Variants in ZEB1 observed in about 807,000 individuals in gnomAD.
ZEB1 encodes zinc finger E-box-binding homeobox 1.
Under a neutral mutation model 84.9 loss-of-function variants are expected in ZEB1, and 21 were observed. That is an observed-to-expected ratio of 0.25 (90% confidence interval 0.18 to 0.36). The LOEUF (loss-of-function observed/expected upper bound fraction) is 0.36, where lower values mean the gene tolerates loss of function less well. Among genes scored for constraint, ZEB1 ranks in the 10% least tolerant of loss-of-function variants. ZEB1 has a pLI of 1.00. For synonymous variants in ZEB1, 420 were observed against 471.1 expected, an observed-to-expected ratio of 0.89 and a Z score of 1.41; for missense variants, 1,104 against 1,330.2, an observed-to-expected ratio of 0.83 and a Z score of 2.65.
chr10:31,365,763 G>GATTGAATATAGCAA (rs2044345929), intron 1 of ZEB1, among the ~76,000 whole-genome samples: 1 of 152,206 alleles, frequency 6.6e-6, no homozygotes, highest in African/African-American at 2.4e-5. Flanking sequence ...AAGTAGGGGT[G>GATTGAATATAGCAA]AGATTGAATA....
chr10:31,472,453 T>C (rs1430472581), intron 2 of ZEB1, among the ~76,000 whole-genome samples: 1 of 151,748 alleles, frequency 6.6e-6, no homozygotes, highest in Admixed American at 6.6e-5. Context: ...AAGTAGAAAA[T>C]CTAGAAGAAA....
intron 1 of ZEB1, among the ~76,000 whole-genome samples, chr10:31,356,380 A>G (rs896144992): frequency 1.4e-4 from 21 of 151,510 alleles, no homozygotes; most frequent in Admixed American, 3.3e-4. Flanking sequence ...AGTGCAGGTC[A>G]TCTTGTTTAC....
intron 1 of ZEB1, among the ~76,000 whole-genome samples, chr10:31,411,883 G>T (rs1017544709): frequency 2.6e-5 from 4 of 152,072 alleles, no homozygotes; most frequent in African/African-American, 7.2e-5. Context: ...TGGAATAACT[G>T]GGGTTGGGGA....
intron 1 of ZEB1, among the ~76,000 whole-genome samples, chr10:31,391,810 T>A (rs1282870943): frequency 6.6e-6 from 1 of 152,210 alleles, no homozygotes; most frequent in Non-Finnish European, 1.5e-5. Flanking sequence ...AGAGATTCTG[T>A]TGAATCCCCT....
At chr10:31,478,447 T>C (rs1253055887) in intron 2 of ZEB1, among the ~76,000 whole-genome samples, 1 of 151,940 alleles carries the variant, frequency 6.6e-6, no homozygotes, top group Non-Finnish European at 1.5e-5. Flanking sequence ...AGTTTGGAGA[T>C]TCCTGAAAAA....
chr10:31,467,406 T>C (rs549933453), intron 2 of ZEB1, among the ~76,000 whole-genome samples: 1 of 152,074 alleles, frequency 6.6e-6, no homozygotes, highest in African/African-American at 2.4e-5. Context: ...GGCCCATGCA[T>C]GTTCACATGA....
chr10:31,369,744 A>G (rs912764326), intron 1 of ZEB1, among the ~76,000 whole-genome samples: 1 of 152,198 alleles, frequency 6.6e-6, no homozygotes, highest in African/African-American at 2.4e-5. Context: ...ATCATACAGT[A>G]GTTCTATTTT....
intron 1 of ZEB1, among the ~76,000 whole-genome samples, chr10:31,429,922 G>T (rs929485667): frequency 6.6e-6 from 1 of 151,704 alleles, no homozygotes; most frequent in Non-Finnish European, 1.5e-5. Flanking sequence ...TGTATTTCTA[G>T]CAGAGACAGG....
intron 4 of ZEB1, among the ~76,000 whole-genome samples, chr10:31,504,714 T>A (rs1338393481): frequency 2.0e-5 from 3 of 152,052 alleles, no homozygotes; most frequent in Non-Finnish European, 4.4e-5. Flanking sequence ...TTTTTGTAGC[T>A]ACTATAAATG....
intron 1 of ZEB1, among the ~76,000 whole-genome samples, chr10:31,325,849 A>G (rs1299357826): frequency 6.6e-6 from 1 of 151,780 alleles, no homozygotes; most frequent in Non-Finnish European, 1.5e-5. Context: ...ATATGACACC[A>G]TTATTTATAT....
intron 7 of ZEB1, among the ~76,000 whole-genome samples, chr10:31,522,820 G>T (rs1479647054): frequency 1.3e-5 from 2 of 152,106 alleles, no homozygotes; most frequent in Non-Finnish European, 2.9e-5. Context: ...TGTATTTGCT[G>T]CTTTTGTTTT....
chr10:31,361,928 G>A (rs1209782235), intron 1 of ZEB1, among the ~76,000 whole-genome samples: 41 of 147,370 alleles, frequency 2.8e-4, no homozygotes, highest in African/African-American at 9.4e-4. Context: ...TGAGGAGGCC[G>A]GGCAGAGGCA....
intron 1 of ZEB1, among the ~76,000 whole-genome samples, chr10:31,322,763 T>A (rs542549628): frequency 2.1e-3 from 311 of 148,330 alleles, no homozygotes; most frequent in African/African-American, 6.3e-3. Flanking sequence ...TTTTTTTTTT[T>A]GAGAGAGAGA....
chr10:31,362,510 A>G (rs1230628229), intron 1 of ZEB1, among the ~76,000 whole-genome samples: 3 of 146,006 alleles, frequency 2.1e-5, no homozygotes, highest in Non-Finnish European at 3.0e-5. Flanking sequence ...GGCACTCCTC[A>G]CTGCCCAGAC....
chr10:31,363,306 G>T lies in ZEB1; in HGVS notation c.58+44014G>T, dbSNP rs755085740. ...GGTCAGGCTTCCCAAAGGGAAGGATGCCTCCAGCAGGGCTGTGTGAACTGG... is the reference window on the plus strand; with the variant it reads ...GGTCAGGCTTCCCAAAGGGAAGGATTCCTCCAGCAGGGCTGTGTGAACTGG... On this transcript the variant is annotated intron_variant, in intron 1 of 8. Transcript: ENST00000424869. 1.1e-5 allele frequency: 17 copies of T among 1,532,646 alleles called. 2 individuals carry two copies. The South Asian group carries it at 2.0e-4, about 18-fold the overall frequency. The allele number at this position is 1,532,646 out of a possible 1,614,324, so 94.9% of individuals were successfully genotyped here.
chr10:31,484,889 A>C (rs998248769), intron 2 of ZEB1, among the ~76,000 whole-genome samples: 4 of 151,972 alleles, frequency 2.6e-5, no homozygotes, highest in African/African-American at 9.7e-5. Flanking sequence ...TAATTAGGTT[A>C]TCATGTAATC....
intron 2 of ZEB1, among the ~76,000 whole-genome samples, chr10:31,467,639 A>G (rs2062609785): frequency 6.6e-6 from 1 of 152,104 alleles, no homozygotes; most frequent in East Asian, 1.9e-4. Flanking sequence ...CAGAGGACAA[A>G]TCCACTGGCC....
At chr10:31,462,302 G>A (rs776086757) in intron 2 of ZEB1, among the ~76,000 whole-genome samples, 2 of 152,200 alleles carry the variant, frequency 1.3e-5, no homozygotes, top group Non-Finnish European at 2.9e-5. Context: ...TCATTTTATA[G>A]TGTTGTTCAT....
chr10:31,434,496 G>A lies in ZEB1; in HGVS notation c.59-26541G>A, dbSNP rs181624670. Reference sequence around the variant, plus strand: ...TAAATAAACATATATTTCACAGCAGGATAACCCTTTATTGACACATTATCA... The same window carrying A: ...TAAATAAACATATATTTCACAGCAGAATAACCCTTTATTGACACATTATCA... On this transcript the variant is annotated intron_variant, in intron 1 of 8. Transcript: ENST00000424869. Among the ~76,000 whole-genome samples the A allele has an allele frequency of 1.4e-4, 22 of 152,274 alleles. No homozygotes were observed. The East Asian group carries it at 3.7e-3, about 25-fold the overall frequency.
Sources: allele counts gnomAD v4.1 joint callset (sites outside exome capture counted in the v4.1 genomes callset), GRCh38; gene constraint gnomAD v4.1.1; transcripts MANE v1.5; gene names NCBI Gene and HGNC (gene_info 2026-07-23, HGNC 2026-07-21).